FSTL5: variants seen among roughly 807,000 people sequenced by gnomAD.
FSTL5 encodes follistatin-related protein 5.
FSTL5 carries 62 observed loss-of-function variants against 89.1 expected under a neutral mutation model. The observed-to-expected ratio is 0.70, with a 90% CI of 0.57 to 0.86. FSTL5 has a LOEUF of 0.86. Ranked by LOEUF, FSTL5 falls within the 40% of genes least tolerant of loss-of-function variation. The probability of loss-of-function intolerance (pLI) is 0.00; values close to 1 mark genes in which losing one functional copy is unlikely to be tolerated. For synonymous variants in FSTL5, 383 were observed against 346.2 expected, an observed-to-expected ratio of 1.11 and a Z score of -1.18; for missense variants, 1,057 against 1,001.6, an observed-to-expected ratio of 1.06 and a Z score of -0.75.
At chr4:161,734,042 T>C (rs947987738) in intron 6 of FSTL5, among the ~76,000 whole-genome samples, 4 of 152,104 alleles carry the variant, frequency 2.6e-5, no homozygotes, top group African/African-American at 9.6e-5. Context: ...ATTACGTATT[T>C]AATCTGTTTA....
chr4:161,697,938 G>GGT (rs75603323), intron 6 of FSTL5, among the ~76,000 whole-genome samples: 51,555 of 149,618 alleles, frequency 0.34, 10,778 homozygotes, highest in East Asian at 0.65. Context: ...AATATGGGAA[G>GGT]GTGTGTGTGT....
rs114112354 is a variant in FSTL5, at chr4:161,863,230, T to C, written c.409+57174A>G. Among the ~76,000 whole-genome samples the C allele has an allele frequency of 3.2e-3, 492 of 152,322 alleles. 4 individuals carry two copies. Among genetic ancestry groups the C allele is most frequent in the African/African-American group, 0.011 (473 of 41,550 alleles). ...GCTTAGAGATAGGCAAATGATCTTG[T>C]TAGATGTAAACAGTGTATAATCATG... On this transcript the variant is annotated intron_variant, in intron 4 of 15. Coordinates refer to ENST00000306100, the MANE Select transcript of FSTL5 (RefSeq NM_020116.5).
At chr4:161,940,761 A>C (rs772888769) in intron 3 of FSTL5, among the ~76,000 whole-genome samples, 2 of 151,978 alleles carry the variant, frequency 1.3e-5, no homozygotes, top group Non-Finnish European at 1.5e-5. Flanking sequence ...GAAGTGCTAA[A>C]GGGAAATTTT....
chr4:162,157,108 C>G (rs1382370495), intron 1 of FSTL5, among the ~76,000 whole-genome samples: 1 of 151,862 alleles, frequency 6.6e-6, no homozygotes, highest in Non-Finnish European at 1.5e-5. Flanking sequence ...ATAATTTTGT[C>G]TCAGTTTGGA....
chr4:161,989,547 T>TA (rs1016036900), intron 3 of FSTL5, among the ~76,000 whole-genome samples: 1 of 152,160 alleles, frequency 6.6e-6, no homozygotes, highest in African/African-American at 2.4e-5. Flanking sequence ...AACTGAATTT[T>TA]ATGCATGCAT....
intron 7 of FSTL5, among the ~76,000 whole-genome samples, chr4:161,606,702 T>C (rs1157106171): frequency 6.6e-6 from 1 of 152,146 alleles, no homozygotes; most frequent in Non-Finnish European, 1.5e-5. Flanking sequence ...AGTCATTGCA[T>C]TGGAAAATTG....
chr4:161,675,349 T>C (rs1335184850), intron 6 of FSTL5, among the ~76,000 whole-genome samples: 1 of 151,740 alleles, frequency 6.6e-6, no homozygotes, highest in Non-Finnish European at 1.5e-5. Context: ...TCAGCTTATA[T>C]TCTATTTATT....
chr4:161,702,466 C>A (rs1221511254), intron 6 of FSTL5, among the ~76,000 whole-genome samples: 12 of 152,056 alleles, frequency 7.9e-5, no homozygotes, highest in African/African-American at 2.9e-4. Flanking sequence ...CTATTAGCAG[C>A]CATACAGTCA....
chr4:162,087,570 C>T lies in FSTL5; in HGVS notation c.126+23701G>A, dbSNP rs118155812. Among the ~76,000 whole-genome samples the T allele has an allele frequency of 5.1e-4, 77 of 152,262 alleles. 2 individuals carry two copies. The East Asian group carries it at 0.013, about 26-fold the overall frequency. On this transcript the variant is annotated intron_variant, in intron 2 of 15. Transcript: ENST00000306100. ...CTTATTAACAAAGTTAATTAATCTT[C>T]TAACCCTCTGCCCTCACTTGTTGTA...
chr4:161,813,000 G>A (rs1402251494), intron 4 of FSTL5, among the ~76,000 whole-genome samples: 1 of 150,500 alleles, frequency 6.6e-6, no homozygotes, highest in African/African-American at 2.4e-5. Flanking sequence ...GGCAGTTAAG[G>A]GAATGGGAAC....
chr4:162,053,453 AAAGAG>A (rs1333158591), intron 2 of FSTL5, among the ~76,000 whole-genome samples: 1 of 151,814 alleles, frequency 6.6e-6, no homozygotes, highest in East Asian at 1.9e-4. Context: ...CAAAATTCTC[AAAGAG>A]AACTAGACAA....
chr4:162,106,299 T>G (rs1356354780), intron 2 of FSTL5, among the ~76,000 whole-genome samples: 1 of 152,176 alleles, frequency 6.6e-6, no homozygotes, highest in Non-Finnish European at 1.5e-5. Context: ...AAAAGCATTT[T>G]AAGGACTTTA....
chr4:161,815,045 A>G (rs1730281704), intron 4 of FSTL5, among the ~76,000 whole-genome samples: 1 of 152,108 alleles, frequency 6.6e-6, no homozygotes, highest in African/African-American at 2.4e-5. Flanking sequence ...ATATGTTAAA[A>G]TAGCATCTTA....
chr4:161,635,391 A>G (rs2126660567), intron 7 of FSTL5, among the ~76,000 whole-genome samples: 1 of 152,234 alleles, frequency 6.6e-6, no homozygotes, highest in East Asian at 1.9e-4. Flanking sequence ...CTGTCTCAAA[A>G]CAAACAAACA....
intron 8 of FSTL5, among the ~76,000 whole-genome samples, chr4:161,560,717 C>T (rs577768850): frequency 6.6e-5 from 10 of 151,844 alleles, no homozygotes; most frequent in South Asian, 6.2e-4. Context: ...CACTGTCTTC[C>T]GCCTCCACGT....
At chr4:161,963,527 G>A (rs183098271) in intron 3 of FSTL5, among the ~76,000 whole-genome samples, 43 of 151,846 alleles carry the variant, frequency 2.8e-4, no homozygotes, top group African/African-American at 8.2e-4. Flanking sequence ...ACTCAAGACC[G>A]TGACCGAACA....
chr4:161,764,357 C>G (rs1253723368), intron 5 of FSTL5, among the ~76,000 whole-genome samples: 1 of 152,070 alleles, frequency 6.6e-6, no homozygotes, highest in African/African-American at 2.4e-5. Flanking sequence ...CTCCTGGGTT[C>G]AAGCAATTCT....
chr4:161,873,159 C>A (rs138317756), intron 4 of FSTL5, among the ~76,000 whole-genome samples: 1 of 152,152 alleles, frequency 6.6e-6, no homozygotes, highest in Non-Finnish European at 1.5e-5. Flanking sequence ...AGGAGTGTAG[C>A]CTATTTAACC....
At chr4:161,696,009 G>A (rs1385564859) in intron 6 of FSTL5, among the ~76,000 whole-genome samples, 1 of 152,100 alleles carries the variant, frequency 6.6e-6, no homozygotes, top group Non-Finnish European at 1.5e-5. Context: ...TTGCTTTTGG[G>A]TTCTTCGTCA....
Sources: allele counts gnomAD v4.1 joint callset (sites outside exome capture counted in the v4.1 genomes callset), GRCh38; gene constraint gnomAD v4.1.1; transcripts MANE v1.5; gene names NCBI Gene and HGNC (gene_info 2026-07-23, HGNC 2026-07-21).